ROBO1: variants seen among roughly 807,000 people sequenced by gnomAD.
The protein encoded by ROBO1 is roundabout guidance receptor 1, also known as roundabout homolog 1.
A neutral mutation model predicts 195.9 loss-of-function variants in ROBO1; 149 were observed. The observed-to-expected ratio is 0.76, with a 90% CI of 0.67 to 0.87. ROBO1 has a LOEUF of 0.87. ROBO1 is among the 40% of genes least tolerant of loss of function. ROBO1 has a pLI of 0.00. For synonymous variants in ROBO1, 816 were observed against 733.2 expected (o/e 1.11, Z -1.82); for missense variants, 1,933 against 2,068.3 (o/e 0.93, Z 1.27).
chr3:78,810,517 A>G (rs2084703290), intron 4 of ROBO1, among the ~76,000 whole-genome samples: 1 of 152,308 alleles, frequency 6.6e-6, no homozygotes, highest in South Asian at 2.1e-4. Flanking sequence ...AAAATGAAGT[A>G]TATTATTGGT....
At chr3:79,586,623 G>A (rs2107806758) in intron 2 of ROBO1, among the ~76,000 whole-genome samples, 1 of 151,812 alleles carries the variant, frequency 6.6e-6, no homozygotes, top group African/African-American at 2.4e-5. Flanking sequence ...TTAAAATATT[G>A]CAATATAAAC....
At chr3:79,517,970 G>T (rs912603653) in intron 2 of ROBO1, among the ~76,000 whole-genome samples, 1 of 152,104 alleles carries the variant, frequency 6.6e-6, no homozygotes, top group Non-Finnish European at 1.5e-5. Flanking sequence ...AGGGTGTTAG[G>T]GTTTATTGAC....
At chr3:79,175,145 G>T (rs1038980085) in intron 2 of ROBO1, among the ~76,000 whole-genome samples, 1 of 151,850 alleles carries the variant, frequency 6.6e-6, no homozygotes, top group Admixed American at 6.6e-5. Flanking sequence ...TTATTTTAGG[G>T]TTCTCTCCTA....
At chr3:79,328,739 C>T (rs2034316716) in intron 2 of ROBO1, among the ~76,000 whole-genome samples, 1 of 152,062 alleles carries the variant, frequency 6.6e-6, no homozygotes, top group Non-Finnish European at 1.5e-5. Flanking sequence ...GCAGAGTACA[C>T]TGTACCCAAC....
intron 3 of ROBO1, among the ~76,000 whole-genome samples, chr3:79,058,064 G>A (rs1255814107): frequency 6.6e-6 from 1 of 151,820 alleles, no homozygotes; most frequent in Non-Finnish European, 1.5e-5. Context: ...TCTCCTTTAA[G>A]AAAAATGAAA....
At chr3:79,500,673 G>C (rs1402319113) in intron 2 of ROBO1, among the ~76,000 whole-genome samples, 1 of 152,132 alleles carries the variant, frequency 6.6e-6, no homozygotes, top group African/African-American at 2.4e-5. Flanking sequence ...TTTTCAAGTT[G>C]AGGAGGACAG....
intron 3 of ROBO1, among the ~76,000 whole-genome samples, chr3:79,077,354 T>C (rs1054894376): frequency 6.6e-6 from 1 of 151,866 alleles, no homozygotes; most frequent in African/African-American, 2.4e-5. Flanking sequence ...TTAATTATCC[T>C]ATGATGCATA....
chr3:78,816,521 C>A (rs1437504682), intron 4 of ROBO1, among the ~76,000 whole-genome samples: 1 of 152,002 alleles, frequency 6.6e-6, no homozygotes, highest in Non-Finnish European at 1.5e-5. Flanking sequence ...TATATAGCTG[C>A]CATAATGATT....
intron 3 of ROBO1, among the ~76,000 whole-genome samples, chr3:79,111,959 G>C (rs2079894719): frequency 6.6e-6 from 1 of 152,132 alleles, no homozygotes; most frequent in African/African-American, 2.4e-5. Context: ...AAAGCAAGAT[G>C]TTTTTCTAAG....
chr3:79,517,898 T>A (rs143491708), intron 2 of ROBO1, among the ~76,000 whole-genome samples: 1,631 of 152,328 alleles, frequency 0.011, 10 homozygotes, highest in Non-Finnish European at 0.017. Flanking sequence ...ATATGTGGTA[T>A]TCCAAGAAAT....
intron 3 of ROBO1, among the ~76,000 whole-genome samples, chr3:79,033,433 C>A (rs1430991135): frequency 6.6e-6 from 1 of 152,032 alleles, no homozygotes; most frequent in East Asian, 1.9e-4. Context: ...ATATATGATT[C>A]ACACATCACT....
rs115652772 is a variant in ROBO1 at position 78,820,865 on chromosome 3, C to T, written c.500-73965G>A. On this transcript the variant is annotated intron_variant, in intron 4 of 30. Transcript: ENST00000464233. ...GGAAGCTATGAGATTTGTTCTAGCA[C>T]CCTTTCAAGAATGTTAAAAAAAAAA... 7.8e-3 allele frequency among the ~76,000 whole-genome samples: 1,194 copies of T among 152,220 alleles called. 17 individuals carry two copies. Among genetic ancestry groups the T allele is most frequent in the African/African-American group, 0.028 (1,151 of 41,542 alleles).
At chr3:79,512,473 C>T (rs1940758294) in intron 2 of ROBO1, among the ~76,000 whole-genome samples, 1 of 152,106 alleles carries the variant, frequency 6.6e-6, no homozygotes, top group South Asian at 2.1e-4. Flanking sequence ...CCTGCGAACT[C>T]GTTACGTGCT....
intron 8 of ROBO1, among the ~76,000 whole-genome samples, chr3:78,696,236 A>G (rs1323942235): frequency 1.3e-5 from 2 of 151,834 alleles, no homozygotes; most frequent in African/African-American, 4.8e-5. Context: ...GCCCTTCTCA[A>G]CTTCGTTCCT....
chr3:79,424,258 C>G (rs552287202), intron 2 of ROBO1, among the ~76,000 whole-genome samples: 1 of 152,174 alleles, frequency 6.6e-6, no homozygotes, highest in Admixed American at 6.5e-5. Context: ...CTAGATTATT[C>G]AGGGGATTTC....
At chr3:78,944,412 T>C (rs2040303390) in intron 3 of ROBO1, among the ~76,000 whole-genome samples, 1 of 152,222 alleles carries the variant, frequency 6.6e-6, no homozygotes, top group Non-Finnish European at 1.5e-5. Context: ...GGCAGCCATC[T>C]ATAAGCCAGA....
intron 1 of ROBO1, among the ~76,000 whole-genome samples, chr3:79,683,200 A>T (rs1947001986): frequency 6.6e-6 from 1 of 151,992 alleles, no homozygotes; most frequent in Admixed American, 6.6e-5. Context: ...TTTAAAGTGA[A>T]TTTTGTTTGT....
At chr3:79,037,638 T>C (rs1333228649) in intron 3 of ROBO1, among the ~76,000 whole-genome samples, 1 of 152,168 alleles carries the variant, frequency 6.6e-6, no homozygotes. Flanking sequence ...CGGCTCTTAA[T>C]GTGCAAAAGT....
At chr3:78,926,879 C>A (rs1257856255) in intron 4 of ROBO1, among the ~76,000 whole-genome samples, 5 of 151,944 alleles carry the variant, frequency 3.3e-5, no homozygotes, top group Non-Finnish European at 7.4e-5. Flanking sequence ...CTATCTCAGG[C>A]ATTAAATTTA....
Sources: allele counts gnomAD v4.1 joint callset (sites outside exome capture counted in the v4.1 genomes callset), GRCh38; gene constraint gnomAD v4.1.1; transcripts MANE v1.5; gene names NCBI Gene and HGNC (gene_info 2026-07-23, HGNC 2026-07-21).